CBR4: variants seen among roughly 807,000 people sequenced by gnomAD.
CBR4 encodes the protein carbonyl reductase 4.
CBR4 carries 22 observed loss-of-function variants against 21.0 expected under a neutral mutation model. The ratio of observed to expected loss-of-function variants is 1.05; its 90% CI spans 0.75 to 1.50. CBR4 has a LOEUF of 1.50. Ranked by LOEUF, CBR4 falls within the 40% of genes most tolerant of loss-of-function variation. The pLI, the probability that CBR4 is intolerant of heterozygous loss-of-function variation, is 0.00. For synonymous variants in CBR4, 100 were observed against 104.4 expected (o/e 0.96, Z 0.26); for missense variants, 302 against 286.3 (o/e 1.05, Z -0.40).
intron 2 of CBR4, among the ~76,000 whole-genome samples, chr4:168,917,657 G>A (rs1440951520): frequency 6.6e-6 from 1 of 152,042 alleles, no homozygotes; most frequent in Non-Finnish European, 1.5e-5. Flanking sequence ...TAGAGGATTT[G>A]GGCATTGTTT....
At chr4:168,938,038 T>C (rs1327406705) in intron 2 of CBR4, among the ~76,000 whole-genome samples, 1 of 152,212 alleles carries the variant, frequency 6.6e-6, no homozygotes, top group South Asian at 2.1e-4. Context: ...TCACAGTTAT[T>C]CTAAAATTTA....
Position 169,010,175 on chromosome 4 carries a change from CAAAAAAAAAAAAAAG to C in CBR4, c.-101_-87del, listed in dbSNP as rs1313202496. ...TCAGGCTTTTAAACAACCGCGGTTC[CAAAAAAAAAAAAAAG>C]AAAAAAAAAGGCAAACCGCAAAAAA... On this transcript the variant is annotated 5_prime_UTR_variant, in exon 1 of 5. Transcript: ENST00000306193. The C allele has an allele frequency of 1.6e-6, 1 of 630,144 alleles. No homozygotes were observed. The highest frequency in any genetic ancestry group is 2.1e-6 in the Non-Finnish European group (1 of 472,642). The allele number at this position is 630,144 out of a possible 1,614,324, so 39.0% of individuals were successfully genotyped here.
At chr4:168,935,570 G>T (rs1763087724) in intron 2 of CBR4, among the ~76,000 whole-genome samples, 2 of 152,168 alleles carry the variant, frequency 1.3e-5, no homozygotes, top group Non-Finnish European at 2.9e-5. Context: ...CCCCAGCTTG[G>T]TGAGGGAGGG....
At chr4:168,974,402 G>C (rs904328259) in intron 2 of CBR4, among the ~76,000 whole-genome samples, 1 of 152,206 alleles carries the variant, frequency 6.6e-6, no homozygotes, top group African/African-American at 2.4e-5. Context: ...ATGATGTTTT[G>C]TGAAGAATTT....
intron 2 of CBR4, among the ~76,000 whole-genome samples, chr4:168,976,088 C>T (rs879830728): frequency 4.6e-5 from 7 of 152,186 alleles, no homozygotes; most frequent in Admixed American, 6.5e-5. Flanking sequence ...GCATCTTCTG[C>T]GCTCATATAT....
chr4:169,002,141 T>A lies in CBR4; in HGVS notation c.465A>T (p.Leu155Phe). The change falls in exon 4 of 5, where the codon TTA (leucine) becomes TTT (phenylalanine). Residue 155 changes from leucine (L) to phenylalanine (F), a missense_variant. Coordinates refer to ENST00000306193, the MANE Select transcript of CBR4 (RefSeq NM_032783.5). ...TAGCAAGAGCACGTGAAAATCCAAC[T>A]AATCCTCCTTTACTGGCACTGTAAA... The part of the protein sequence containing the change: ...QSVYSASKGG[L>F]VGFSRALAKE... The A allele has an allele frequency of 1.9e-6, 3 of 1,569,436 alleles. No individual in the cohort carries two copies. The highest frequency in any genetic ancestry group is 2.6e-6 in the Non-Finnish European group (3 of 1,159,822).
Position 168,990,242 on chromosome 4 carries a change from C to A in CBR4, c.622G>T (p.Glu208Ter). ...IPLGRFGETI[E>*]VAHAVVFLLE... ...AGAAACACAACCGCATGTGCCACCT[C>A]AATAGTTTCTCCAAACCTCCCAAGA... Residue 208 changes from glutamate to a stop codon, truncating the protein, a stop_gained, in exon 5 of 5, where the codon GAG (glutamate) becomes TAG (stop). Coordinates refer to ENST00000306193, the MANE Select transcript of CBR4 (RefSeq NM_032783.5). LOFTEE classifies it high-confidence loss of function. The A allele has an allele frequency of 6.2e-7, 1 of 1,613,788 alleles. No homozygotes were observed. The highest frequency in any genetic ancestry group is 1.7e-4 in the Middle Eastern group (1 of 6,058).
At chr4:168,902,668 A>G (rs1047215875) in intron 2 of CBR4, among the ~76,000 whole-genome samples, 10 of 152,186 alleles carry the variant, frequency 6.6e-5, no homozygotes, top group African/African-American at 2.4e-4. Flanking sequence ...ACAAAACCTT[A>G]GAACTCGGAC....
At chr4:168,993,938 C>T (rs539089871) in intron 4 of CBR4, among the ~76,000 whole-genome samples, 1 of 152,266 alleles carries the variant, frequency 6.6e-6, no homozygotes, top group Non-Finnish European at 1.5e-5. Context: ...CCCTGCTCTG[C>T]TGATACTATT....
chr4:168,913,523 T>C (rs1759473010), intron 2 of CBR4, among the ~76,000 whole-genome samples: 1 of 152,154 alleles, frequency 6.6e-6, no homozygotes, highest in Non-Finnish European at 1.5e-5. Context: ...GATTTCAGAA[T>C]TGGCTACAGC....
At chr4:168,959,935 C>A (rs1272739691) in intron 2 of CBR4, among the ~76,000 whole-genome samples, 1 of 151,164 alleles carries the variant, frequency 6.6e-6, no homozygotes, top group South Asian at 2.1e-4. Context: ...ATACACAGAT[C>A]AAGTTAGAGA....
At chr4:168,975,105 T>C (rs1023147628) in intron 2 of CBR4, among the ~76,000 whole-genome samples, 3 of 152,202 alleles carry the variant, frequency 2.0e-5, no homozygotes, top group African/African-American at 7.2e-5. Context: ...GATCCCTTGA[T>C]GTGGTTCTCT....
intron 2 of CBR4, among the ~76,000 whole-genome samples, chr4:168,936,847 G>A (rs1346118922): frequency 3.3e-5 from 5 of 152,170 alleles, no homozygotes; most frequent in African/African-American, 1.2e-4. Flanking sequence ...ATGGAACCAA[G>A]TTGGAAAACA....
At chr4:168,992,274 C>T (rs1220681778) in intron 4 of CBR4, among the ~76,000 whole-genome samples, 3 of 152,166 alleles carry the variant, frequency 2.0e-5, no homozygotes, top group Non-Finnish European at 2.9e-5. Context: ...AAAAATAATG[C>T]TATATGTTCT....
intron 2 of CBR4, among the ~76,000 whole-genome samples, chr4:168,953,476 G>C (rs1763603267): frequency 6.6e-6 from 1 of 151,782 alleles, no homozygotes; most frequent in African/African-American, 2.4e-5. Flanking sequence ...CCTTTGCAGT[G>C]GCACAATCAC....
intron 2 of CBR4, among the ~76,000 whole-genome samples, chr4:168,931,536 GA>G (rs1762969659): frequency 6.6e-6 from 1 of 151,838 alleles, no homozygotes; most frequent in Non-Finnish European, 1.5e-5. Context: ...AACCCCCATG[GA>G]CACACCCCCT....
intron 2 of CBR4, among the ~76,000 whole-genome samples, chr4:168,918,999 G>C (rs1760839083): frequency 6.6e-6 from 1 of 151,734 alleles, no homozygotes; most frequent in South Asian, 2.1e-4. Context: ...ATAAAATCTG[G>C]AATTTATTTT....
intron 4 of CBR4, among the ~76,000 whole-genome samples, chr4:168,996,728 T>C (rs1765221810): frequency 1.3e-5 from 2 of 152,052 alleles, no homozygotes; most frequent in South Asian, 4.2e-4. Context: ...CATGTATCTG[T>C]CCCCACTTTA....
At chr4:168,896,556 G>C (rs1338474537) in intron 2 of CBR4, 1 of 1,500,508 alleles carries the variant, frequency 6.7e-7, no homozygotes, top group South Asian at 1.2e-5. Flanking sequence ...CAGGACATTG[G>C]TTCTCCTCAT....
Sources: allele counts gnomAD v4.1 joint callset (sites outside exome capture counted in the v4.1 genomes callset), GRCh38; gene constraint gnomAD v4.1.1; transcripts MANE v1.5; gene names NCBI Gene and HGNC (gene_info 2026-07-23, HGNC 2026-07-21).